The following STX8 variants were observed in gnomAD, a reference collection of about 807,000 sequenced individuals.
STX8 encodes syntaxin 8, also known as syntaxin-8.
In STX8, 23 loss-of-function variants were observed where a neutral mutation model predicts 37.5. The ratio of observed to expected loss-of-function variants is 0.61; its 90% CI spans 0.44 to 0.87. The LOEUF (loss-of-function observed/expected upper bound fraction) is 0.87, where lower values mean the gene tolerates loss of function less well. STX8 is among the 40% of genes least tolerant of loss of function. STX8 has a pLI of 0.00. For synonymous variants in STX8, 115 were observed against 99.1 expected, an observed-to-expected ratio of 1.16 and a Z score of -0.95; for missense variants, 313 against 284.7, an observed-to-expected ratio of 1.10 and a Z score of -0.71.
In STX8 at chr17:9,299,530, GC is replaced by G. The variant is rs1908691064; in HGVS notation, c.644-48886del. Among the ~76,000 whole-genome samples the G allele has an allele frequency of 1.4e-5, 2 of 144,640 alleles. 1 individual carries two copies. Among genetic ancestry groups the G allele is most frequent in the South Asian group, 4.4e-4 (2 of 4,596 alleles). 94.9% of individuals were successfully genotyped at this position (144,640 alleles called of 152,430 possible). On this transcript the variant is annotated intron_variant, in intron 7 of 7. Coordinates refer to ENST00000306357, the MANE Select transcript of STX8 (RefSeq NM_004853.3). The stretch of plus-strand genomic sequence containing the variant: ...GCGATCTGGGCTCACTGCAAGCTCT[GC>G]CTCCCAGGTTCACACCATTCTCCTG...
chr17:9,549,807 G>C (rs1167552640), intron 3 of STX8, among the ~76,000 whole-genome samples: 1 of 152,198 alleles, frequency 6.6e-6, no homozygotes, highest in African/African-American at 2.4e-5. Context: ...TTATTAGTAA[G>C]AGGTCAAAGG....
At chr17:9,517,440 A>G (rs1905187312) in intron 4 of STX8, among the ~76,000 whole-genome samples, 2 of 152,214 alleles carry the variant, frequency 1.3e-5, no homozygotes, top group Admixed American at 1.3e-4. Flanking sequence ...GTGCTATAAT[A>G]TGTTTTGTGA....
intron 6 of STX8, among the ~76,000 whole-genome samples, chr17:9,463,081 G>T (rs1431533114): frequency 6.6e-6 from 1 of 152,174 alleles, no homozygotes; most frequent in Non-Finnish European, 1.5e-5. Flanking sequence ...GTCTCACTGA[G>T]GAAGAATGTA....
chr17:9,490,752 C>G (rs920646879), intron 6 of STX8, among the ~76,000 whole-genome samples: 1 of 152,106 alleles, frequency 6.6e-6, no homozygotes, highest in Non-Finnish European at 1.5e-5. Context: ...TTTTCTCTTC[C>G]TACTTTGTCT....
chr17:9,389,462 G>A (rs1023295738), intron 6 of STX8, among the ~76,000 whole-genome samples: 13 of 152,158 alleles, frequency 8.5e-5, no homozygotes, highest in African/African-American at 2.7e-4. Flanking sequence ...CTGAGATATC[G>A]AGTGACATTC....
chr17:9,380,263 T>G (rs1357365277), intron 6 of STX8, among the ~76,000 whole-genome samples: 1 of 146,682 alleles, frequency 6.8e-6, no homozygotes, highest in Non-Finnish European at 1.5e-5. Context: ...TGTTTTTTTT[T>G]TTTTTTTTTT....
At chr17:9,266,137 C>G (rs1907225501) in intron 7 of STX8, among the ~76,000 whole-genome samples, 1 of 152,082 alleles carries the variant, frequency 6.6e-6, no homozygotes, top group Non-Finnish European at 1.5e-5. Flanking sequence ...AGAAATAACA[C>G]ATTACAAAAG....
intron 4 of STX8, among the ~76,000 whole-genome samples, chr17:9,521,844 T>A (rs1294854759): frequency 1.3e-5 from 2 of 152,224 alleles, no homozygotes; most frequent in Admixed American, 6.5e-5. Context: ...CTTCCTTACA[T>A]AATATCCAAG....
At chr17:9,511,534 T>A (rs915499097) in intron 4 of STX8, among the ~76,000 whole-genome samples, 4 of 151,416 alleles carry the variant, frequency 2.6e-5, no homozygotes, top group Non-Finnish European at 4.4e-5. Context: ...CAGAAAAAAA[T>A]TTGATAAAAT....
At chr17:9,276,797 G>A (rs1039633635) in intron 7 of STX8, among the ~76,000 whole-genome samples, 29 of 150,062 alleles carry the variant, frequency 1.9e-4, no homozygotes, top group Non-Finnish European at 3.3e-4. Context: ...CACCACGCTC[G>A]GCTAATTTTT....
At chr17:9,252,969 G>A (rs1317863300) in intron 7 of STX8, among the ~76,000 whole-genome samples, 3 of 152,352 alleles carry the variant, frequency 2.0e-5, no homozygotes, top group African/African-American at 4.8e-5. Flanking sequence ...AACCGTTTAC[G>A]ACCTGGCCTC....
At chr17:9,282,420 C>T (rs113828569) in intron 7 of STX8, among the ~76,000 whole-genome samples, 30,954 of 152,220 alleles carry the variant, frequency 0.2, 3,307 homozygotes, top group Middle Eastern at 0.29. Context: ...AGGCGTGAGC[C>T]ACTGCACCCG....
chr17:9,432,255 C>T (rs1036324776), intron 6 of STX8, among the ~76,000 whole-genome samples: 2 of 151,900 alleles, frequency 1.3e-5, no homozygotes. Flanking sequence ...TTTCAGAATA[C>T]CAAACAGAGT....
chr17:9,407,974 C>T (rs917714445), intron 6 of STX8, among the ~76,000 whole-genome samples: 16 of 152,218 alleles, frequency 1.1e-4, no homozygotes, highest in African/African-American at 3.4e-4. Flanking sequence ...ATGTTCCCCC[C>T]ACAAGGAACA....
At chr17:9,547,066 G>A (rs1184139663) in intron 3 of STX8, among the ~76,000 whole-genome samples, 16 of 151,348 alleles carry the variant, frequency 1.1e-4, no homozygotes, top group Non-Finnish European at 2.2e-4. Flanking sequence ...TGGCAAACAC[G>A]GTAAAACCCC....
chr17:9,520,114 A>C lies in STX8; in HGVS notation c.324-14952T>G, dbSNP rs147696399. On this transcript the variant is annotated intron_variant, in intron 4 of 7. Transcript: ENST00000306357. The stretch of plus-strand genomic sequence containing the variant: ...ACAGAGCCTCGGAATATGCCAGAGC[A>C]TAAGCATTCAGTAAATGTTTATGAA... Among the ~76,000 whole-genome samples the C allele has an allele frequency of 6.9e-3, 1,057 of 152,358 alleles. 10 individuals are homozygous for C. Among genetic ancestry groups the C allele is most frequent in the African/African-American group, 0.024 (1,009 of 41,572 alleles).
At chr17:9,324,857 A>G (rs1439000179) in intron 7 of STX8, among the ~76,000 whole-genome samples, 12 of 152,020 alleles carry the variant, frequency 7.9e-5, no homozygotes, top group African/African-American at 2.7e-4. Context: ...TAACAGGGAT[A>G]CGAATGGTCC....
intron 4 of STX8, among the ~76,000 whole-genome samples, chr17:9,513,129 CA>C: frequency 6.6e-6 from 1 of 152,132 alleles, no homozygotes; most frequent in Non-Finnish European, 1.5e-5. Flanking sequence ...GTTTATCCAA[CA>C]GAGGATTAAT....
intron 6 of STX8, among the ~76,000 whole-genome samples, chr17:9,449,582 CAAAT>C (rs1904970062): frequency 6.6e-6 from 1 of 151,140 alleles, no homozygotes; most frequent in Admixed American, 6.8e-5. Flanking sequence ...AACAAACAAA[CAAAT>C]TGTGGTACAG....
Sources: gnomAD v4.1 joint callset for allele counts (sites outside exome capture counted in the v4.1 genomes callset) on GRCh38, gnomAD v4.1.1 for gene constraint, MANE v1.5 for transcripts, NCBI Gene and HGNC (gene_info 2026-07-23, HGNC 2026-07-21) for gene names.